TRIM61: variants seen among roughly 807,000 people sequenced by gnomAD.
The protein encoded by TRIM61 is putative tripartite motif-containing protein 61.
Under a neutral mutation model 14.2 loss-of-function variants are expected in TRIM61, and 1 was observed. That is an observed-to-expected ratio of 0.07 (90% confidence interval 0.03 to 0.33). TRIM61 has a LOEUF of 0.33. Among genes scored for constraint, TRIM61 ranks in the 10% least tolerant of loss-of-function variants. The pLI is 0.99. For synonymous variants in TRIM61, 8 were observed against 71.6 expected, an observed-to-expected ratio of 0.11 and a Z score of 4.49; for missense variants, 19 against 202.2, an observed-to-expected ratio of 0.09 and a Z score of 5.49.
intron 3 of TRIM61, among the ~76,000 whole-genome samples, chr4:164,960,172 A>G (rs929312303): frequency 5.9e-5 from 9 of 152,286 alleles, no homozygotes; most frequent in African/African-American, 1.2e-4. Flanking sequence ...AAGAAATTCT[A>G]TATCACAGCC....
chr4:164,968,480 A>G, intron 3 of TRIM61: 1 of 979,160 alleles, frequency 1.0e-6, no homozygotes, highest in African/African-American at 1.8e-5. Flanking sequence ...AGATAAAAAA[A>G]TATTGCTTTC....
chr4:164,957,247 C>A (rs761252954), intron 3 of TRIM61: 9 of 1,614,098 alleles, frequency 5.6e-6, no homozygotes, highest in African/African-American at 1.3e-5. Context: ...GGTCGCTCCA[C>A]CAATCCTGGG....
At chr4:164,966,626 T>C (rs1732249139) in intron 3 of TRIM61, among the ~76,000 whole-genome samples, 1 of 152,150 alleles carries the variant, frequency 6.6e-6, no homozygotes, top group South Asian at 2.1e-4. Flanking sequence ...AAAATTGTAC[T>C]TTGGGGCTGG....
intron 2 of TRIM61, among the ~76,000 whole-genome samples, chr4:164,975,833 A>G (rs1358078980): frequency 6.6e-6 from 1 of 152,184 alleles, no homozygotes; most frequent in Non-Finnish European, 1.5e-5. Context: ...TGAATTAGTA[A>G]AAGAGGAAAG....
chr4:164,971,812 A>C (rs12509081), intron 2 of TRIM61, among the ~76,000 whole-genome samples: 69,880 of 151,852 alleles, frequency 0.46, 16,732 homozygotes, highest in East Asian at 0.71. Context: ...TCAAAGCTTG[A>C]AAGCCACCTA....
intron 3 of TRIM61, among the ~76,000 whole-genome samples, chr4:164,966,843 C>T (rs1178438184): frequency 1.3e-5 from 2 of 152,096 alleles, no homozygotes; most frequent in African/African-American, 4.8e-5. Context: ...TCCAGAACTG[C>T]TTGGACCCAG....
At chr4:164,972,129 T>C (rs1345653010) in intron 2 of TRIM61, among the ~76,000 whole-genome samples, 1 of 152,208 alleles carries the variant, frequency 6.6e-6, no homozygotes, top group African/African-American at 2.4e-5. Context: ...CACAGCAACA[T>C]GCTACAGGAG....
chr4:164,960,362 A>C (rs974380979), intron 3 of TRIM61, among the ~76,000 whole-genome samples: 2 of 151,706 alleles, frequency 1.3e-5, no homozygotes, highest in Admixed American at 6.6e-5. Context: ...TGCCAAGATG[A>C]TGAAACTCCA....
intron 3 of TRIM61, chr4:164,957,108 G>A: frequency 1.3e-6 from 2 of 1,581,204 alleles, no homozygotes. Context: ...GGGTGGGCTG[G>A]GCGAGCCAAA....
chr4:164,962,844 C>T (rs879427243), intron 3 of TRIM61, among the ~76,000 whole-genome samples: 1 of 151,932 alleles, frequency 6.6e-6, no homozygotes, highest in Non-Finnish European at 1.5e-5. Flanking sequence ...TAGTGTTTTT[C>T]CAGCATATGT....
intron 2 of TRIM61, among the ~76,000 whole-genome samples, chr4:164,974,853 C>A (rs1290729604): frequency 6.6e-6 from 1 of 152,134 alleles, no homozygotes; most frequent in African/African-American, 2.4e-5. Flanking sequence ...TTGAGCAGAA[C>A]AAGAAAGTTA....
intron 3 of TRIM61, among the ~76,000 whole-genome samples, chr4:164,961,092 C>G (rs1732122369): frequency 7.9e-6 from 1 of 126,492 alleles, no homozygotes. Flanking sequence ...ATAAACCACA[C>G]TCTGAAGAGA....
chr4:164,960,321 G>A (rs1188605337), intron 3 of TRIM61, among the ~76,000 whole-genome samples: 4 of 151,958 alleles, frequency 2.6e-5, no homozygotes, highest in Non-Finnish European at 4.4e-5. Context: ...GAGGCGGGTG[G>A]ATCACGAGGT....
At chr4:164,957,279 CG>C (rs1732026136) in intron 3 of TRIM61, 2 of 1,614,068 alleles carry the variant, frequency 1.2e-6, no homozygotes, top group Non-Finnish European at 1.7e-6. Context: ...GTTTTCTCCG[CG>C]TGCCCTGTCA....
At chr4:164,963,013 T>C (rs1024181742) in intron 3 of TRIM61, among the ~76,000 whole-genome samples, 1 of 152,162 alleles carries the variant, frequency 6.6e-6, no homozygotes, top group Non-Finnish European at 1.5e-5. Context: ...AGGAGAACCA[T>C]TAAAATGTTT....
intron 3 of TRIM61, among the ~76,000 whole-genome samples, chr4:164,963,616 C>T (rs1001424315): frequency 6.6e-6 from 1 of 151,988 alleles, no homozygotes; most frequent in African/African-American, 2.4e-5. Flanking sequence ...TGGTGGTGTG[C>T]ACCTGTAATC....
chr4:164,960,531 G>T (rs1732109461), intron 3 of TRIM61, among the ~76,000 whole-genome samples: 1 of 151,188 alleles, frequency 6.6e-6, no homozygotes, highest in South Asian at 2.1e-4. Flanking sequence ...CTCCAATCCG[G>T]GCGACAGAGT....
At chr4:164,967,588 G>T (rs73001962) in intron 3 of TRIM61, among the ~76,000 whole-genome samples, 5,266 of 152,176 alleles carry the variant, frequency 0.035, 304 homozygotes, top group African/African-American at 0.12. Context: ...TGTGTGTGTG[G>T]CAGAGGAGGA....
At chr4:164,960,477 C>T (rs1163849568) in intron 3 of TRIM61, among the ~76,000 whole-genome samples, 1 of 151,544 alleles carries the variant, frequency 6.6e-6, no homozygotes, top group Non-Finnish European at 1.5e-5. Flanking sequence ...TTTGCTTGAA[C>T]CCAAGGAGTG....
Sources: gnomAD v4.1 joint callset for allele counts (sites outside exome capture counted in the v4.1 genomes callset) on GRCh38, gnomAD v4.1.1 for gene constraint, MANE v1.5 for transcripts, NCBI Gene and HGNC (gene_info 2026-07-23, HGNC 2026-07-21) for gene names.